GRIA4: variants seen among roughly 807,000 people sequenced by gnomAD.
GRIA4 encodes glutamate receptor 4.
In GRIA4, 34 loss-of-function variants were observed where a neutral mutation model predicts 104.0. The ratio of observed to expected loss-of-function variants is 0.33; its 90% CI spans 0.25 to 0.44. GRIA4 has a LOEUF of 0.44. GRIA4 is among the 20% of genes least tolerant of loss of function. The probability of loss-of-function intolerance (pLI) is 1.00; values close to 1 mark genes in which losing one functional copy is unlikely to be tolerated. For synonymous variants in GRIA4, 386 were observed against 381.9 expected, an observed-to-expected ratio of 1.01 and a Z score of -0.13; for missense variants, 750 against 1,096.5, an observed-to-expected ratio of 0.68 and a Z score of 4.46.
chr11:105,611,939 T>C (rs985975528), intron 2 of GRIA4, among the ~76,000 whole-genome samples: 3 of 152,156 alleles, frequency 2.0e-5, no homozygotes, highest in African/African-American at 7.2e-5. Context: ...TCTTTTCCGC[T>C]CATCTGCATG....
chr11:105,965,331 G>A (rs918394703), intron 14 of GRIA4, among the ~76,000 whole-genome samples: 8 of 149,504 alleles, frequency 5.4e-5, no homozygotes, highest in African/African-American at 1.5e-4. Flanking sequence ...ACAAAATTTA[G>A]ATGTAAGAAT....
chr11:105,709,589 C>T (rs1258684588), intron 3 of GRIA4, among the ~76,000 whole-genome samples: 2 of 152,094 alleles, frequency 1.3e-5, no homozygotes, highest in Admixed American at 6.6e-5. Flanking sequence ...GGTAACACCA[C>T]CAGTAATAAG....
chr11:105,828,867 G>C (rs1237989625), intron 4 of GRIA4, among the ~76,000 whole-genome samples: 2 of 151,954 alleles, frequency 1.3e-5, no homozygotes, highest in East Asian at 3.9e-4. Context: ...CTTTTGACAT[G>C]AGTTTCCTAT....
chr11:105,966,062 GT>G, intron 14 of GRIA4: 1 of 1,594,510 alleles, frequency 6.3e-7, no homozygotes, highest in Non-Finnish European at 8.6e-7. Flanking sequence ...TGACTCCAAG[GT>G]TAGCCTCAAT....
At chr11:105,903,259 A>G (rs1305573115) in intron 7 of GRIA4, among the ~76,000 whole-genome samples, 2 of 152,236 alleles carry the variant, frequency 1.3e-5, no homozygotes, top group African/African-American at 4.8e-5. Flanking sequence ...TTGGATAAGT[A>G]GATATTATTT....
At chr11:105,611,286 A>G (rs1423206634) in intron 2 of GRIA4, among the ~76,000 whole-genome samples, 1 of 151,962 alleles carries the variant, frequency 6.6e-6, no homozygotes, top group Admixed American at 6.6e-5. Context: ...AGGGCAGCCC[A>G]CCCATGCGTT....
At chr11:105,958,280 C>T (rs889591147) in intron 14 of GRIA4, among the ~76,000 whole-genome samples, 4 of 152,184 alleles carry the variant, frequency 2.6e-5, no homozygotes, top group East Asian at 3.9e-4. Flanking sequence ...TTTTGAGATA[C>T]GTCCCATCAA....
chr11:105,956,347 G>A (rs1157102234), intron 14 of GRIA4, among the ~76,000 whole-genome samples: 2 of 152,092 alleles, frequency 1.3e-5, no homozygotes, highest in African/African-American at 4.8e-5. Context: ...CTATGAGTGA[G>A]AACATGTGGT....
At chr11:105,676,180 C>T (rs1350066523) in intron 3 of GRIA4, among the ~76,000 whole-genome samples, 1 of 151,668 alleles carries the variant, frequency 6.6e-6, no homozygotes, top group Non-Finnish European at 1.5e-5. Flanking sequence ...AGTGCTTACA[C>T]TGCTGATGGA....
At chr11:105,644,908 G>A (rs1331612377) in intron 3 of GRIA4, among the ~76,000 whole-genome samples, 2 of 152,126 alleles carry the variant, frequency 1.3e-5, no homozygotes, top group Admixed American at 6.6e-5. Context: ...TAAGAAGCAA[G>A]TAATAAGTTT....
chr11:105,905,130 C>A (rs1946996191), intron 8 of GRIA4, 67 bp from the exon 9 acceptor site: 1 of 837,422 alleles, frequency 1.2e-6, no homozygotes, highest in Non-Finnish European at 2.1e-6. Context: ...ATAAGCCCAG[C>A]AGATGAAGTT....
At chr11:105,785,272 A>G (rs1289964781) in intron 4 of GRIA4, among the ~76,000 whole-genome samples, 1 of 152,198 alleles carries the variant, frequency 6.6e-6, no homozygotes, top group South Asian at 2.1e-4. Flanking sequence ...GGTACAATCC[A>G]TCAATACCAT....
At chr11:105,939,303 C>T (rs753079154) in intron 14 of GRIA4, among the ~76,000 whole-genome samples, 1 of 152,180 alleles carries the variant, frequency 6.6e-6, no homozygotes, top group Non-Finnish European at 1.5e-5. Context: ...CTCCTTACCA[C>T]TACACTTAGA....
intron 3 of GRIA4, among the ~76,000 whole-genome samples, chr11:105,683,316 TTC>T (rs1354966929): frequency 6.6e-5 from 10 of 151,906 alleles, no homozygotes; most frequent in East Asian, 5.8e-4. Flanking sequence ...AATTAATATT[TTC>T]TCTGTTTATA....
chr11:105,811,637 T>C (rs922622587), intron 4 of GRIA4, among the ~76,000 whole-genome samples: 1 of 152,182 alleles, frequency 6.6e-6, no homozygotes, highest in African/African-American at 2.4e-5. Flanking sequence ...CCCAGTTAAA[T>C]TTAAATTTCA....
At chr11:105,850,790 A>G (rs918181721) in intron 4 of GRIA4, among the ~76,000 whole-genome samples, 6 of 152,172 alleles carry the variant, frequency 3.9e-5, no homozygotes, top group Non-Finnish European at 8.8e-5. Flanking sequence ...CTCAATGTAA[A>G]GAGCAGAAGC....
chr11:105,847,042 G>A (rs1477548658), intron 4 of GRIA4, among the ~76,000 whole-genome samples: 1 of 152,104 alleles, frequency 6.6e-6, no homozygotes, highest in East Asian at 1.9e-4. Context: ...TTGGGGGGAT[G>A]AAACTGTTCC....
chr11:105,833,038 G>A (rs112260760), intron 4 of GRIA4, among the ~76,000 whole-genome samples: 1,614 of 151,908 alleles, frequency 0.011, 25 homozygotes, highest in Middle Eastern at 0.058. Flanking sequence ...TATCATTACT[G>A]TTTCCTTCAA....
chr11:105,640,951 A>C (rs1222114840), intron 3 of GRIA4, among the ~76,000 whole-genome samples: 1 of 152,022 alleles, frequency 6.6e-6, no homozygotes, highest in Non-Finnish European at 1.5e-5. Context: ...TGATGTTCTG[A>C]AGCCTCAAAC....
Sources: allele counts gnomAD v4.1 joint callset (sites outside exome capture counted in the v4.1 genomes callset), GRCh38; gene constraint gnomAD v4.1.1; transcripts MANE v1.5; gene names NCBI Gene and HGNC (gene_info 2026-07-23, HGNC 2026-07-21).